PICALM: variants seen among roughly 807,000 people sequenced by gnomAD.
PICALM encodes phosphatidylinositol-binding clathrin assembly protein.
PICALM carries 40 observed loss-of-function variants against 80.5 expected under a neutral mutation model. That is an observed-to-expected ratio of 0.50 (90% CI 0.39 to 0.65). PICALM has a LOEUF of 0.65. Among genes scored for constraint, PICALM ranks in the 30% least tolerant of loss-of-function variants. The pLI is 0.00. For missense variants in PICALM, 676 were observed against 778.9 expected (o/e 0.87, Z 1.57); for synonymous variants, 288 against 260.3 (o/e 1.11, Z -1.02).
At chr11:85,960,924 T>TC (rs2093667405) in intron 19 of PICALM, 1 of 306,864 alleles carries the variant, frequency 3.3e-6, no homozygotes, top group Non-Finnish European at 6.3e-6. Flanking sequence ...AAATGGATTG[T>TC]TAAGACAAAA....
intron 11 of PICALM, among the ~76,000 whole-genome samples, chr11:85,997,333 T>G (rs1423881905): frequency 1.3e-5 from 2 of 152,212 alleles, no homozygotes; most frequent in Non-Finnish European, 2.9e-5. Flanking sequence ...TGCAATACAC[T>G]ACACAGTAAA....
chr11:86,005,775 CA>C lies in PICALM; in HGVS notation c.807+1766del, dbSNP rs573132171. Among the ~76,000 whole-genome samples the C allele has an allele frequency of 2.9e-3, 370 of 127,704 alleles. 1 individual carries two copies. The highest frequency in any genetic ancestry group is 5.9e-3 in the East Asian group (26 of 4,430). The allele number at this position is 127,704 out of a possible 152,430, so 83.8% of individuals were successfully genotyped here. A position where few individuals can be genotyped will look rare whatever the true frequency, so the allele number is the denominator to read the frequency against. On this transcript the variant is annotated intron_variant, in intron 8 of 19. Transcript: ENST00000393346. Reference sequence around the variant, plus strand: ...TGCTTTACACCTTAAAAGAAATTACCAAAAAAAAAAAAAAGAGTAAATAATC... The same window carrying C: ...TGCTTTACACCTTAAAAGAAATTACCAAAAAAAAAAAAAGAGTAAATAATC...
intron 4 of PICALM, 30 bp from the exon 5 acceptor site, chr11:86,014,993 A>C (rs1271686065): frequency 7.7e-7 from 1 of 1,304,316 alleles, no homozygotes; most frequent in South Asian, 1.3e-5. Flanking sequence ...GAAATAAACA[A>C]ATGAATCTGC....
chr11:86,041,470 G>C (rs768177482), intron 1 of PICALM, among the ~76,000 whole-genome samples: 38 of 152,096 alleles, frequency 2.5e-4, no homozygotes, highest in Non-Finnish European at 3.7e-4. Context: ...GCATTTTCCT[G>C]GCAGAGAAAG....
chr11:86,007,347 C>T, intron 8 of PICALM, 195 bp downstream of exon 8: 1 of 345,514 alleles, frequency 2.9e-6, no homozygotes, highest in Non-Finnish European at 5.5e-6. Flanking sequence ...GGGTAGGCAA[C>T]AAATATAAGT....
intron 1 of PICALM, among the ~76,000 whole-genome samples, chr11:86,039,928 C>T (rs552123490): frequency 1.4e-5 from 2 of 141,694 alleles, no homozygotes; most frequent in African/African-American, 2.6e-5. Flanking sequence ...GACATGAACC[C>T]GGGTGGCGGA....
At chr11:86,042,660 CA>C (rs10648704) in intron 1 of PICALM, among the ~76,000 whole-genome samples, 83 of 142,738 alleles carry the variant, frequency 5.8e-4, no homozygotes, top group African/African-American at 7.0e-4. Flanking sequence ...TCAGGACTCT[CA>C]AAAAAAAAAA....
Position 85,959,064 on chromosome 11 carries a change from G to GA in PICALM, c.1945-5dup, listed in dbSNP as rs769572334. On this transcript the variant is annotated splice_region_variant and splice_polypyrimidine_tract_variant and intron_variant, in intron 19 of 19. Transcript: ENST00000393346. Reference sequence around the variant, plus strand: ...CATCAAGTTACATAAACTGTATCTGGAAAAAAAAAGTGGGTATGTTAATTC... The same window carrying GA: ...CATCAAGTTACATAAACTGTATCTGGAAAAAAAAAAGTGGGTATGTTAATTC... 2,041 of 1,535,868 alleles carry GA rather than the reference G, an allele frequency of 1.3e-3. No individual in the cohort carries two copies. The highest frequency in any genetic ancestry group is 1.5e-3 in the South Asian group (126 of 85,210).
intron 3 of PICALM, among the ~76,000 whole-genome samples, chr11:86,022,915 G>A (rs118163228): frequency 0.02 from 3,032 of 151,964 alleles, 53 homozygotes; most frequent in Middle Eastern, 0.037. Flanking sequence ...ACTTGTATGT[G>A]CCAACCTTAT....
intron 13 of PICALM, among the ~76,000 whole-genome samples, chr11:85,986,623 C>T (rs2094581253): frequency 6.6e-6 from 1 of 151,828 alleles, no homozygotes; most frequent in Non-Finnish European, 1.5e-5. Flanking sequence ...ATCTCCTGAC[C>T]TCATGATCCA....
At chr11:86,014,772 G>C in intron 5 of PICALM, 98 bp downstream of exon 5, 1 of 613,350 alleles carries the variant, frequency 1.6e-6, no homozygotes, top group Non-Finnish European at 2.8e-6. Context: ...ATATCAGGAT[G>C]TGAAAAACTA....
intron 1 of PICALM, among the ~76,000 whole-genome samples, chr11:86,039,003 T>C (rs2095897350): frequency 1.3e-5 from 2 of 151,396 alleles, no homozygotes; most frequent in Admixed American, 6.6e-5. Flanking sequence ...CCCAACTACT[T>C]GGGAGGCTGA....
intron 7 of PICALM, among the ~76,000 whole-genome samples, chr11:86,008,564 G>A (rs901692106): frequency 7.2e-5 from 11 of 151,824 alleles, no homozygotes; most frequent in Admixed American, 5.9e-4. Flanking sequence ...AGGGTGCAGT[G>A]AGCAGAGATT....
intron 1 of PICALM, among the ~76,000 whole-genome samples, chr11:86,060,350 G>T (rs546183007): frequency 6.6e-6 from 1 of 152,074 alleles, no homozygotes; most frequent in Non-Finnish European, 1.5e-5. Context: ...AAAAATAACA[G>T]TATTTTCAAA....
At chr11:85,997,804 CAA>C (rs2095023251) in intron 11 of PICALM, among the ~76,000 whole-genome samples, 1 of 150,640 alleles carries the variant, frequency 6.6e-6, no homozygotes, top group African/African-American at 2.4e-5. Context: ...TTTTTTGAGA[CAA>C]GAGTCTCACT....
rs764633343 is a variant in PICALM at position 86,011,146 on chromosome 11, T to A, written c.659-10A>T. ...ATATCAAAATATTTTTCTGACAAAA[T>A]AAATGTAAAAATTCTTTTGTTCACA... On this transcript the variant is annotated splice_polypyrimidine_tract_variant and intron_variant, in intron 6 of 19. Coordinates refer to ENST00000393346, the MANE Select transcript of PICALM (RefSeq NM_007166.4). 1 of 1,176,970 alleles carries A rather than the reference T, an allele frequency of 8.5e-7. No individual in the cohort carries two copies. Among genetic ancestry groups the A allele is most frequent in the South Asian group, 1.3e-5 (1 of 74,886 alleles). The allele number at this position is 1,176,970 out of a possible 1,614,324, so 72.9% of individuals were successfully genotyped here. A position where few individuals can be genotyped will look rare whatever the true frequency, so the allele number is the denominator to read the frequency against.
At chr11:86,020,143 G>T (rs1040572771) in intron 4 of PICALM, among the ~76,000 whole-genome samples, 2 of 152,028 alleles carry the variant, frequency 1.3e-5, no homozygotes, top group Non-Finnish European at 2.9e-5. Context: ...TATTTAGGGT[G>T]CAGCAAAAAT....
chr11:86,069,122 CG>C, upstream of PICALM: 1 of 264,102 alleles, frequency 3.8e-6, no homozygotes, highest in South Asian at 8.7e-5. Context: ...CGGGCTGCCC[CG>C]GGTCACGTGA....
chr11:86,006,227 G>A (rs2095273862), intron 8 of PICALM, among the ~76,000 whole-genome samples: 2 of 152,150 alleles, frequency 1.3e-5, no homozygotes, highest in Admixed American at 1.3e-4. Context: ...GACATATACA[G>A]GATTCTTTAC....
Sources: gnomAD v4.1 joint callset for allele counts (sites outside exome capture counted in the v4.1 genomes callset) on GRCh38, gnomAD v4.1.1 for gene constraint, MANE v1.5 for transcripts, NCBI Gene and HGNC (gene_info 2026-07-23, HGNC 2026-07-21) for gene names.